Variants in LINGO1 observed in about 807,000 individuals in gnomAD.
LINGO1 encodes leucine rich repeat and Ig domain containing 1, also known as leucine-rich repeat and immunoglobulin-like domain-containing nogo receptor-interacting protein 1.
A neutral mutation model predicts 37.3 loss-of-function variants in LINGO1; 11 were observed. That is an observed-to-expected ratio of 0.29 (90% CI 0.19 to 0.49). The LOEUF (loss-of-function observed/expected upper bound fraction) is 0.49. LINGO1 is among the 20% of genes least tolerant of loss of function. The pLI, the probability that LINGO1 is intolerant of heterozygous loss-of-function variation, is 0.99. For missense variants in LINGO1, 585 were observed against 878.2 expected (o/e 0.67, Z 4.22); for synonymous variants, 387 against 403.0 (o/e 0.96, Z 0.48).
At chr15:77,711,961 G>T (rs776133299) in intron 2 of LINGO1, among the ~76,000 whole-genome samples, 87 of 152,254 alleles carry the variant, frequency 5.7e-4, no homozygotes, top group Non-Finnish European at 1.1e-3. Context: ...GCTCCTCGGG[G>T]CTCTTCTAGA....
chr15:77,748,688 C>A (rs1481676118), intron 1 of LINGO1, among the ~76,000 whole-genome samples: 1 of 151,638 alleles, frequency 6.6e-6, no homozygotes, highest in Non-Finnish European at 1.5e-5. Flanking sequence ...CTTTTTTTTT[C>A]TTTTTCTTTT....
chr15:77,622,518 G>A (rs772135291), intron 1 of LINGO1, among the ~76,000 whole-genome samples: 23 of 152,174 alleles, frequency 1.5e-4, no homozygotes, highest in Non-Finnish European at 2.5e-4. Context: ...GGGGACTCAC[G>A]CCGGATCACC....
chr15:77,757,482 T>G (rs2076431987), intron 1 of LINGO1, among the ~76,000 whole-genome samples: 1 of 152,240 alleles, frequency 6.6e-6, no homozygotes. Flanking sequence ...CCTTTCCATT[T>G]TCCTGCCTCA....
chr15:77,626,137 T>C (rs1877293), intron 1 of LINGO1, among the ~76,000 whole-genome samples: 27,463 of 151,910 alleles, frequency 0.18, 5,322 homozygotes, highest in African/African-American at 0.49. Flanking sequence ...AGGGACTTGT[T>C]CAAGGTCCCA....
intron 2 of LINGO1, among the ~76,000 whole-genome samples, chr15:77,729,106 T>G (rs886690471): frequency 1.3e-5 from 2 of 152,190 alleles, no homozygotes; most frequent in Non-Finnish European, 2.9e-5. Context: ...AAGCGCCCAG[T>G]TGGCACTAGG....
At chr15:77,633,175 C>T (rs1294568647), upstream of LINGO1, among the ~76,000 whole-genome samples, 1 of 151,764 alleles carries the variant, frequency 6.6e-6, no homozygotes, top group African/African-American at 2.4e-5. Flanking sequence ...CACACGGCCG[C>T]GCCCCTCCGG....
chr15:77,699,710 TTC>T (rs368708914), upstream of LINGO1, among the ~76,000 whole-genome samples: 264 of 2,754 alleles, frequency 0.096, no homozygotes, highest in Middle Eastern at 0.17. Context: ...CTAACCATCA[TTC>T]CCACACACAA....
In LINGO1 at chr15:77,632,904, G is replaced by A. The variant is rs2074308444; in HGVS notation, c.-589C>T. 6.6e-6 allele frequency among the ~76,000 whole-genome samples: 1 copy of A among 151,052 alleles called. No homozygotes were observed. The highest frequency in any genetic ancestry group is 2.4e-5 in the African/African-American group (1 of 41,272). ...TCCGCGCTCTGCAGCGGCGCGGGGAGGGAGCACTAGGAGCGAGCCAGGGAG... is the reference window on the plus strand; with the variant it reads ...TCCGCGCTCTGCAGCGGCGCGGGGAAGGAGCACTAGGAGCGAGCCAGGGAG... On this transcript the variant is annotated 5_prime_UTR_variant, in exon 1 of 2. Transcript: ENST00000355300. This position sits in a 1 kb window ranked among gnomAD's most constrained non-coding sequence, Gnocchi z 6.0.
chr15:77,728,212 C>T (rs983979803), intron 2 of LINGO1, among the ~76,000 whole-genome samples: 10 of 152,214 alleles, frequency 6.6e-5, no homozygotes, highest in African/African-American at 2.4e-4. Context: ...CAGGTGCAGG[C>T]ATTTTAGGCA....
chr15:77,699,493 ATCT>A (rs2075743386), upstream of LINGO1, among the ~76,000 whole-genome samples: 1 of 7,578 alleles, frequency 1.3e-4, no homozygotes, highest in Non-Finnish European at 2.8e-4. Context: ...ACTAACCATC[ATCT>A]CCACACACAA....
chr15:77,670,404 C>A (rs901155922), intron 3 of LINGO1, among the ~76,000 whole-genome samples: 4 of 152,212 alleles, frequency 2.6e-5, no homozygotes, highest in African/African-American at 7.2e-5. Context: ...ACAACACATC[C>A]ACAAGCCACA....
chr15:77,810,104 C>T (rs775967651), intron 1 of LINGO1, among the ~76,000 whole-genome samples: 3 of 152,058 alleles, frequency 2.0e-5, no homozygotes, highest in African/African-American at 4.8e-5. Context: ...TGGGGGCTCA[C>T]TATGGACAGG....
intron 1 of LINGO1, among the ~76,000 whole-genome samples, chr15:77,771,910 G>C (rs930150092): frequency 6.6e-6 from 1 of 152,214 alleles, no homozygotes; most frequent in Admixed American, 6.5e-5. Context: ...ATGGCCCTGA[G>C]TTTCTCCTCG....
At chr15:77,706,249 T>C (rs1427932066) in intron 2 of LINGO1, among the ~76,000 whole-genome samples, 1 of 152,004 alleles carries the variant, frequency 6.6e-6, no homozygotes, top group Admixed American at 6.5e-5. Context: ...CTCCCTGTGA[T>C]ATCCCCACCC....
At chr15:77,709,295 G>A (rs553874541) in intron 2 of LINGO1, among the ~76,000 whole-genome samples, 1 of 152,354 alleles carries the variant, frequency 6.6e-6, no homozygotes, top group South Asian at 2.1e-4. Flanking sequence ...CAAAGCTGGA[G>A]CATCCCCAGT....
At chr15:77,660,921 A>C (rs1313314305) in intron 3 of LINGO1, among the ~76,000 whole-genome samples, 1 of 152,314 alleles carries the variant, frequency 6.6e-6, no homozygotes, top group African/African-American at 2.4e-5. Context: ...CTGCCTGCTC[A>C]TCACAGTGCT....
At chr15:77,799,805 C>CTT (rs57923470) in intron 1 of LINGO1, among the ~76,000 whole-genome samples, 29 of 151,366 alleles carry the variant, frequency 1.9e-4, no homozygotes, top group African/African-American at 4.1e-4. Context: ...GTTTTGTTTT[C>CTT]TTTTTTTTTG....
At chr15:77,676,790 G>C (rs1047612788) in intron 3 of LINGO1, among the ~76,000 whole-genome samples, 3 of 152,236 alleles carry the variant, frequency 2.0e-5, no homozygotes, top group Non-Finnish European at 4.4e-5. Context: ...GCATAGGACA[G>C]CAACGCTGGG....
At chr15:77,622,244 G>A (rs1182860932) in intron 1 of LINGO1, among the ~76,000 whole-genome samples, 3 of 152,050 alleles carry the variant, frequency 2.0e-5, no homozygotes, top group Non-Finnish European at 4.4e-5. Context: ...CGGGAGACAC[G>A]TGGTGGGTGA....
Sources: gnomAD v4.1 joint callset for allele counts (sites outside exome capture counted in the v4.1 genomes callset) on GRCh38, gnomAD v4.1.1 for gene constraint, Gnocchi (gnomAD v3.1) non-coding constraint, MANE v1.5 for transcripts, NCBI Gene and HGNC (gene_info 2026-07-23, HGNC 2026-07-21) for gene names.